SYT2: variants seen among roughly 807,000 people sequenced by gnomAD.
SYT2 encodes synaptotagmin 2, also known as synaptotagmin-2.
SYT2 carries 15 observed loss-of-function variants against 39.9 expected under a neutral mutation model. The ratio of observed to expected loss-of-function variants is 0.38; its 90% CI spans 0.25 to 0.58. The LOEUF (loss-of-function observed/expected upper bound fraction) is 0.58, where lower values mean the gene tolerates loss of function less well. SYT2 is among the 20% of genes least tolerant of loss of function. SYT2 has a pLI of 0.70. For synonymous variants in SYT2, 181 were observed against 204.5 expected (o/e 0.89, Z 0.98); for missense variants, 389 against 530.3 (o/e 0.73, Z 2.62).
intron 1 of SYT2, 65 bp downstream of exon 1, chr1:202,710,193 T>C (rs1654361558): frequency 6.6e-6 from 1 of 152,364 alleles, no homozygotes; most frequent in African/African-American, 2.4e-5. Context: ...CTCGACTCAG[T>C]AGCAGGAAAG....
At chr1:202,672,476 T>C (rs777079081) in intron 1 of SYT2, among the ~76,000 whole-genome samples, 35 of 152,016 alleles carry the variant, frequency 2.3e-4, no homozygotes, top group Non-Finnish European at 2.2e-4. Context: ...GAAATAAAGG[T>C]CTGTTGTTTA....
chr1:202,695,554 G>A (rs186129905), intron 1 of SYT2, among the ~76,000 whole-genome samples: 117 of 152,290 alleles, frequency 7.7e-4, no homozygotes, highest in African/African-American at 2.8e-3. Context: ...AATTGAACTC[G>A]ATTTGATTGA....
intron 1 of SYT2, among the ~76,000 whole-genome samples, chr1:202,624,071 A>T (rs1259789515): frequency 6.6e-6 from 1 of 152,148 alleles, no homozygotes; most frequent in African/African-American, 2.4e-5. Context: ...CCTCTAAGGG[A>T]TGGGTTTAGA....
At chr1:202,622,033 A>G (rs2362952) in intron 1 of SYT2, among the ~76,000 whole-genome samples, 4 of 152,232 alleles carry the variant, frequency 2.6e-5, no homozygotes, top group Non-Finnish European at 4.4e-5. Context: ...ACTCAGTACT[A>G]GCCTTGATTA....
chr1:202,649,704 T>C (rs541910797), intron 1 of SYT2, among the ~76,000 whole-genome samples: 1 of 152,324 alleles, frequency 6.6e-6, no homozygotes, highest in South Asian at 2.1e-4. Context: ...AACAGCATTG[T>C]AGACACTTGG....
chr1:202,691,494 TA>T (rs955525828), intron 1 of SYT2, among the ~76,000 whole-genome samples: 13 of 151,598 alleles, frequency 8.6e-5, no homozygotes, highest in African/African-American at 3.1e-4. Context: ...ATAAAACACT[TA>T]AAAAACTAGC....
chr1:202,638,377 C>T (rs1691803772), intron 1 of SYT2, among the ~76,000 whole-genome samples: 1 of 152,218 alleles, frequency 6.6e-6, no homozygotes, highest in Non-Finnish European at 1.5e-5. Flanking sequence ...CTGCCAAGGA[C>T]TTTTTCCACA....
intron 1 of SYT2, among the ~76,000 whole-genome samples, chr1:202,606,014 G>T (rs1249477384): frequency 1.3e-5 from 2 of 151,634 alleles, no homozygotes; most frequent in African/African-American, 4.8e-5. Flanking sequence ...TTTTTAGTTA[G>T]GCATAGTGGG....
At position 202,643,664 on chromosome 1, in the gene SYT2, G is replaced by C. The variant is rs576753600; in HGVS notation, c.-17-37875C>G. 3.1e-3 allele frequency among the ~76,000 whole-genome samples: 467 copies of C among 152,356 alleles called. 4 individuals carry two copies. Among genetic ancestry groups the C allele is most frequent in the African/African-American group, 0.011 (446 of 41,586 alleles). ...CGCCCACGCCTCCCTTCTCCAGTCC[G>C]GACTGCCAGCGGAGGGGAAAATGGG... On this transcript the variant is annotated intron_variant, in intron 1 of 8. Coordinates refer to ENST00000367268, the MANE Select transcript of SYT2 (RefSeq NM_177402.5).
intron 1 of SYT2, among the ~76,000 whole-genome samples, chr1:202,609,891 T>C (rs1463438202): frequency 6.6e-6 from 1 of 152,254 alleles, no homozygotes; most frequent in Admixed American, 6.5e-5. Context: ...TTTAGTTTAA[T>C]TGGATCCCAT....
In SYT2 at chr1:202,616,155, C is replaced by T. The variant is rs575899611; in HGVS notation, c.-17-10366G>A. Among the ~76,000 whole-genome samples the T allele has an allele frequency of 1.1e-4, 17 of 152,288 alleles. 1 individual carries two copies. In the South Asian group the frequency reaches 3.5e-3, roughly 32 times the overall value. On this transcript the variant is annotated intron_variant, in intron 1 of 8. Transcript: ENST00000367268. ...TTTCCGCAGGCCTGTGGCTCCCTCA[C>T]ACCCCTCCTCTCTCTTTGCTGTTAT...
chr1:202,650,003 G>A (rs987916877), intron 1 of SYT2, among the ~76,000 whole-genome samples: 7 of 152,194 alleles, frequency 4.6e-5, no homozygotes, highest in South Asian at 4.1e-4. Flanking sequence ...CATCCCCTCC[G>A]TAAGGGCTTT....
chr1:202,655,642 T>C (rs888174081), intron 1 of SYT2, among the ~76,000 whole-genome samples: 1 of 152,058 alleles, frequency 6.6e-6, no homozygotes, highest in African/African-American at 2.4e-5. Context: ...GTCCCTAGGG[T>C]CCTGCAGTGA....
At chr1:202,604,355 G>C in intron 3 of SYT2, 100 bp downstream of exon 3, 1 of 1,237,062 alleles carries the variant, frequency 8.1e-7, no homozygotes, top group South Asian at 1.4e-5. Flanking sequence ...AGGGGAGCAG[G>C]TTTGGCTGTG....
chr1:202,679,552 C>T (rs1275729898), intron 1 of SYT2, among the ~76,000 whole-genome samples: 1 of 152,198 alleles, frequency 6.6e-6, no homozygotes, highest in African/African-American at 2.4e-5. Flanking sequence ...GTGCATTACT[C>T]TTCCTAATTA....
At chr1:202,605,392 A>C in intron 2 of SYT2, 1 of 453,960 alleles carries the variant, frequency 2.2e-6, no homozygotes, top group Non-Finnish European at 4.0e-6. Flanking sequence ...AAGTTGACGC[A>C]CATAAACCCC....
In SYT2 at chr1:202,596,613, AAG is replaced by A. The variant is rs1182990568; in HGVS notation, c.*142_*143del. 19 of 815,088 alleles carry A rather than the reference AAG, an allele frequency of 2.3e-5. No homozygotes were observed. Among genetic ancestry groups the A allele is most frequent in the African/African-American group, 3.9e-5 (2 of 51,924 alleles). The allele number at this position is 815,088 out of a possible 1,614,324, so 50.5% of individuals were successfully genotyped here. A position where few individuals can be genotyped will look rare whatever the true frequency, so the allele number is the denominator to read the frequency against. On this transcript the variant is annotated 3_prime_UTR_variant, in exon 9 of 9. Transcript: ENST00000367268. The stretch of plus-strand genomic sequence containing the variant: ...CATCAAAGGGAAGTTGGTCTTTAAA[AAG>A]AGAAAAACAAGGAAAAACAAGGACA...
At position 202,629,874 on chromosome 1, in the gene SYT2, G is replaced by GC. The variant is rs1553338267; in HGVS notation, c.-17-24086_-17-24085insG. Reference sequence around the variant, plus strand: ...TACCCAGCAGGCAGCTGGTGGGGGGGGGGGGGTGGTACGGCAGGTGTGTTG... The same window carrying GC: ...TACCCAGCAGGCAGCTGGTGGGGGGGCGGGGGGTGGTACGGCAGGTGTGTTG... On this transcript the variant is annotated intron_variant, in intron 1 of 8. Coordinates refer to ENST00000367268, the MANE Select transcript of SYT2 (RefSeq NM_177402.5). Among the ~76,000 whole-genome samples, 790 of 130,306 alleles carry GC rather than the reference G, an allele frequency of 6.1e-3. 82 individuals carry two copies. The highest frequency in any genetic ancestry group is 0.021 in the African/African-American group (757 of 35,560). 85.5% of individuals were successfully genotyped at this position (130,306 alleles called of 152,430 possible).
chr1:202,661,729 C>A (rs1341101464), intron 1 of SYT2, among the ~76,000 whole-genome samples: 1 of 152,304 alleles, frequency 6.6e-6, no homozygotes, highest in East Asian at 1.9e-4. Context: ...TCCACCCCTG[C>A]GGGAGTGTTT....
Sources: gnomAD v4.1 joint callset for allele counts (sites outside exome capture counted in the v4.1 genomes callset) on GRCh38, gnomAD v4.1.1 for gene constraint, MANE v1.5 for transcripts, NCBI Gene and HGNC (gene_info 2026-07-23, HGNC 2026-07-21) for gene names.